HCN1: variants seen among roughly 807,000 people sequenced by gnomAD.
HCN1 encodes hyperpolarization activated cyclic nucleotide gated potassium channel 1, also known as potassium/sodium hyperpolarization-activated cyclic nucleotide-gated channel 1.
HCN1 carries 13 observed loss-of-function variants against 78.9 expected under a neutral mutation model. The observed-to-expected ratio is 0.16, with a 90% CI of 0.11 to 0.26. HCN1 has a LOEUF of 0.26. HCN1 is among the 10% of genes least tolerant of loss of function. HCN1 has a pLI of 1.00. For missense variants in HCN1, 810 were observed against 1,154.3 expected (o/e 0.70, Z 4.32); for synonymous variants, 552 against 455.5 (o/e 1.21, Z -2.70).
At chr5:45,468,791 T>C (rs1360672056) in intron 2 of HCN1, among the ~76,000 whole-genome samples, 6 of 152,064 alleles carry the variant, frequency 3.9e-5, no homozygotes, top group Non-Finnish European at 8.8e-5. Context: ...ATAGGTATAA[T>C]GTAAACTGTA....
intron 5 of HCN1, among the ~76,000 whole-genome samples, chr5:45,309,745 A>T (rs1375178100): frequency 6.6e-6 from 1 of 152,076 alleles, no homozygotes; most frequent in Non-Finnish European, 1.5e-5. Context: ...AAGCTTTTTG[A>T]TGTGCTGCTG....
intron 4 of HCN1, 141 bp downstream of exon 4, chr5:45,396,348 AAAG>A: frequency 1.4e-5 from 10 of 715,944 alleles, no homozygotes; most frequent in Non-Finnish European, 2.4e-5. Flanking sequence ...TCAAAATATC[AAAG>A]AAGATAGTGT....
At chr5:45,620,548 G>T (rs987429340) in intron 2 of HCN1, among the ~76,000 whole-genome samples, 1 of 151,308 alleles carries the variant, frequency 6.6e-6, no homozygotes, top group Non-Finnish European at 1.5e-5. Flanking sequence ...AACTATGTGA[G>T]GAAACTTTAA....
At chr5:45,537,938 A>G (rs1743005094) in intron 2 of HCN1, among the ~76,000 whole-genome samples, 5 of 152,090 alleles carry the variant, frequency 3.3e-5, no homozygotes, top group Admixed American at 2.6e-4. Context: ...TTTGACAGAA[A>G]GTACCGTCCT....
intron 6 of HCN1, among the ~76,000 whole-genome samples, chr5:45,303,065 C>T (rs965772613): frequency 7.9e-5 from 12 of 152,068 alleles, no homozygotes; most frequent in African/African-American, 1.9e-4. Flanking sequence ...TGCCATCTAA[C>T]TACAGGCTAC....
At chr5:45,555,941 A>G (rs1466394793) in intron 2 of HCN1, among the ~76,000 whole-genome samples, 1 of 151,940 alleles carries the variant, frequency 6.6e-6, no homozygotes, top group Non-Finnish European at 1.5e-5. Flanking sequence ...AAAAGTGCCA[A>G]GACGATACAC....
At chr5:45,373,306 A>G (rs1747472317) in intron 4 of HCN1, among the ~76,000 whole-genome samples, 1 of 121,078 alleles carries the variant, frequency 8.3e-6, no homozygotes, top group African/African-American at 3.2e-5. Flanking sequence ...TATTTTATAT[A>G]CTATATATAA....
chr5:45,340,979 T>A (rs533140431), intron 5 of HCN1, among the ~76,000 whole-genome samples: 68 of 152,296 alleles, frequency 4.5e-4, no homozygotes, highest in African/African-American at 1.6e-3. Context: ...TAGTAAAAAA[T>A]CCTTTTTGCA....
intron 6 of HCN1, among the ~76,000 whole-genome samples, chr5:45,296,481 T>C (rs1208929720): frequency 1.3e-5 from 2 of 151,960 alleles, no homozygotes; most frequent in Non-Finnish European, 2.9e-5. Context: ...GAGAGGAATT[T>C]ATACTACATA....
chr5:45,375,895 A>T (rs1435716149), intron 4 of HCN1, among the ~76,000 whole-genome samples: 2 of 122,738 alleles, frequency 1.6e-5, no homozygotes, highest in Non-Finnish European at 3.1e-5. Context: ...TATATTATAT[A>T]TGATATAATA....
chr5:45,484,917 AG>A (rs1332725926), intron 2 of HCN1, among the ~76,000 whole-genome samples: 1 of 152,178 alleles, frequency 6.6e-6, no homozygotes, highest in African/African-American at 2.4e-5. Flanking sequence ...AGAAATCTTT[AG>A]AAAGAAAAGC....
chr5:45,396,406 A>G, intron 4 of HCN1, 86 bp downstream of exon 4: 1 of 933,614 alleles, frequency 1.1e-6, no homozygotes. Context: ...TTTATAGAGG[A>G]GATGGTGTAG....
chr5:45,423,056 T>C (rs555562327), intron 3 of HCN1, among the ~76,000 whole-genome samples: 60 of 152,292 alleles, frequency 3.9e-4, no homozygotes, highest in African/African-American at 1.3e-3. Context: ...AATTGGAATG[T>C]TCCTAACACA....
intron 2 of HCN1, among the ~76,000 whole-genome samples, chr5:45,472,115 G>A (rs1221476706): frequency 6.6e-6 from 1 of 151,760 alleles, no homozygotes; most frequent in Admixed American, 6.6e-5. Context: ...TTGTTCTGTA[G>A]GTATTCCAAG....
At chr5:45,507,026 T>C (rs1742319345) in intron 2 of HCN1, among the ~76,000 whole-genome samples, 1 of 152,136 alleles carries the variant, frequency 6.6e-6, no homozygotes, top group African/African-American at 2.4e-5. Flanking sequence ...GGGCCATTAG[T>C]TGAAAGACTA....
rs143944496 is a variant in HCN1 at position 45,588,175 on chromosome 5, A to G, written c.849+57010T>C. On this transcript the variant is annotated intron_variant, in intron 2 of 7. Transcript: ENST00000303230. ...CCTACCTATACACATAAATTCAAAA[A>G]ATATATAATCCCCTATAGATAAGAT... Among the ~76,000 whole-genome samples, 758 of 152,286 alleles carry G rather than the reference A, an allele frequency of 5.0e-3. 4 individuals carry two copies. The highest frequency in any genetic ancestry group is 0.017 in the African/African-American group (723 of 41,548).
intron 2 of HCN1, among the ~76,000 whole-genome samples, chr5:45,579,835 G>A (rs1744020972): frequency 2.0e-5 from 3 of 152,038 alleles, no homozygotes; most frequent in Non-Finnish European, 4.4e-5. Flanking sequence ...TTTAAGCAGT[G>A]CAACAATGGA....
chr5:45,594,768 C>G (rs1356732104), intron 2 of HCN1, among the ~76,000 whole-genome samples: 1 of 152,126 alleles, frequency 6.6e-6, no homozygotes, highest in African/African-American at 2.4e-5. Flanking sequence ...TGACATTAAC[C>G]AAATTCATCA....
At chr5:45,318,604 T>TA (rs1389634786) in intron 5 of HCN1, among the ~76,000 whole-genome samples, 13 of 150,560 alleles carry the variant, frequency 8.6e-5, no homozygotes, top group Admixed American at 5.3e-4. Context: ...AAAAGTATAA[T>TA]AAAAAAAGAA....
Sources: allele counts gnomAD v4.1 joint callset (sites outside exome capture counted in the v4.1 genomes callset), GRCh38; gene constraint gnomAD v4.1.1; transcripts MANE v1.5; gene names NCBI Gene and HGNC (gene_info 2026-07-23, HGNC 2026-07-21).